Variants in GNG7 observed in about 807,000 individuals in gnomAD.
GNG7 encodes the protein guanine nucleotide-binding protein G(I)/G(S)/G(O) subunit gamma-7.
A neutral mutation model predicts 4.0 loss-of-function variants in GNG7; 1 was observed. That is an observed-to-expected ratio of 0.25 (90% CI 0.09 to 1.18). The LOEUF (loss-of-function observed/expected upper bound fraction) is 1.18, where lower values mean the gene tolerates loss of function less well. GNG7 is among the 50% of genes most tolerant of loss of function. The probability of loss-of-function intolerance (pLI) is 0.50; values close to 1 mark genes in which losing one functional copy is unlikely to be tolerated. For missense variants in GNG7, 86 were observed against 91.9 expected (o/e 0.94, Z 0.26); for synonymous variants, 34 against 36.9 (o/e 0.92, Z 0.29).
At position 2,625,686 on chromosome 19, in the gene GNG7, AGAG is replaced by A. The variant is rs531094655; in HGVS notation, c.-78+20535_-78+20537del. Among the ~76,000 whole-genome samples the A allele has an allele frequency of 2.6e-5, 4 of 152,334 alleles. No individual in the cohort carries two copies. In the South Asian group the frequency reaches 6.2e-4, roughly 24 times the overall value. ...TTTGGGGAGGAGGAAGCTGGGTCAG[AGAG>A]GAGATGAGGGTGTGAGAGGGTGAGC... On this transcript the variant is annotated intron_variant, in intron 2 of 4. Transcript: ENST00000382159.
chr19:2,652,348 G>A (rs981105726), intron 1 of GNG7, among the ~76,000 whole-genome samples: 2 of 150,234 alleles, frequency 1.3e-5, no homozygotes, highest in African/African-American at 2.5e-5. Context: ...AGCCAGGCAC[G>A]GTGGCTCATG....
intron 3 of GNG7, among the ~76,000 whole-genome samples, chr19:2,548,895 G>A (rs1198338640): frequency 2.0e-5 from 3 of 152,176 alleles, no homozygotes; most frequent in African/African-American, 7.2e-5. Context: ...CTGGTCGAAG[G>A]GATGTTCCAG....
intron 3 of GNG7, chr19:2,538,080 C>CAA (rs1213798575): frequency 1.1e-5 from 5 of 439,904 alleles, no homozygotes; most frequent in Admixed American, 4.8e-5. Context: ...CTCTCTCAAA[C>CAA]AAAACAAAAC....
At chr19:2,657,688 A>T (rs1208380548) in intron 1 of GNG7, among the ~76,000 whole-genome samples, 1 of 152,030 alleles carries the variant, frequency 6.6e-6, no homozygotes, top group South Asian at 2.1e-4. Flanking sequence ...ACCATCTTTT[A>T]AAAAAATTTT....
rs1981556546 is a variant in GNG7 at position 2,611,297 on chromosome 19, G to GAC, written c.-78+34925_-78+34926dup. 1 of 152,310 alleles carries GAC rather than the reference G, an allele frequency of 6.6e-6. No individual in the cohort carries two copies. Among genetic ancestry groups the GAC allele is most frequent in the South Asian group, 2.1e-4 (1 of 4,828 alleles). The allele number at this position is 152,310 out of a possible 1,614,324, so 9.4% of individuals were successfully genotyped here. ...AGGAATTCCGCCTGGCGAGCGTCTA[G>GAC]ACTGCGGTGTTTCTGGGACGCTGGG... On this transcript the variant is annotated intron_variant, in intron 2 of 4. Transcript: ENST00000382159. The surrounding 1 kb of genome is among the most constrained non-coding windows in gnomAD (Gnocchi z 6.0).
intron 2 of GNG7, among the ~76,000 whole-genome samples, chr19:2,589,410 GT>G (rs1980774373): frequency 7.5e-6 from 1 of 134,114 alleles, no homozygotes; most frequent in Non-Finnish European, 1.6e-5. Flanking sequence ...AGCAGAGATG[GT>G]GTTTTGCCAT....
chr19:2,671,710 C>T (rs11881575), intron 1 of GNG7, among the ~76,000 whole-genome samples: 4,583 of 152,214 alleles, frequency 0.03, 121 homozygotes, highest in Middle Eastern at 0.092. Context: ...TCATCAGCTC[C>T]TCCAACTACT....
chr19:2,559,151 C>CAT (rs1268143710), intron 2 of GNG7, among the ~76,000 whole-genome samples: 1 of 151,854 alleles, frequency 6.6e-6, no homozygotes, highest in South Asian at 2.1e-4. Flanking sequence ...CACACACACA[C>CAT]ATATATATAC....
intron 1 of GNG7, among the ~76,000 whole-genome samples, chr19:2,702,444 A>C (rs528714386): frequency 7.2e-6 from 1 of 138,010 alleles, no homozygotes; most frequent in African/African-American, 2.8e-5. Context: ...TCCCCAGCTA[A>C]CTTCGACCCC....
chr19:2,580,421 G>T (rs1162676415), intron 2 of GNG7, among the ~76,000 whole-genome samples: 1 of 151,494 alleles, frequency 6.6e-6, no homozygotes, highest in Non-Finnish European at 1.5e-5. Context: ...CTCCCAAGTA[G>T]CTGGGACTAC....
In GNG7 at chr19:2,614,313, G is replaced by A. The variant is rs758310152; in HGVS notation, c.-78+31911C>T. 1.3e-5 allele frequency among the ~76,000 whole-genome samples: 2 copies of A among 152,212 alleles called. No homozygotes were observed. The highest frequency in any genetic ancestry group is 2.9e-5 in the Non-Finnish European group (2 of 68,036). ...TGCACGTCGGGTCTCAGGCACATGT[G>A]TGGTGAAATGCACACAACAAAAAAG... On this transcript the variant is annotated intron_variant, in intron 2 of 4. Transcript: ENST00000382159. The surrounding 1 kb of genome is among the most constrained non-coding windows in gnomAD (Gnocchi z 6.0).
intron 3 of GNG7, among the ~76,000 whole-genome samples, chr19:2,554,375 ACT>A (rs928039170): frequency 6.8e-6 from 1 of 147,628 alleles, no homozygotes; most frequent in African/African-American, 2.5e-5. Flanking sequence ...ACCGGGTCTC[ACT>A]CTGTCACCTA....
chr19:2,659,215 C>T (rs983054995), intron 1 of GNG7, among the ~76,000 whole-genome samples: 4 of 151,848 alleles, frequency 2.6e-5, no homozygotes, highest in Non-Finnish European at 4.4e-5. Context: ...GTGATCCGCC[C>T]ACCTTGGCCT....
chr19:2,563,682 A>G (rs1312283065), intron 2 of GNG7, among the ~76,000 whole-genome samples: 2 of 152,076 alleles, frequency 1.3e-5, no homozygotes, highest in South Asian at 2.1e-4. Context: ...GGGTTTCGCC[A>G]TGTTGCCCAG....
intron 2 of GNG7, among the ~76,000 whole-genome samples, chr19:2,576,670 C>CCAAAG (rs1980351789): frequency 6.6e-6 from 1 of 152,104 alleles, no homozygotes; most frequent in African/African-American, 2.4e-5. Flanking sequence ...CCTCAGCCTC[C>CCAAAG]TGAGTAGCTG....
intron 3 of GNG7, among the ~76,000 whole-genome samples, chr19:2,536,267 C>T (rs1266295023): frequency 1.3e-5 from 2 of 151,630 alleles, no homozygotes; most frequent in African/African-American, 4.9e-5. Flanking sequence ...AATACAAAAA[C>T]AGTAGCTGGG....
At chr19:2,568,875 C>G (rs918821454) in intron 2 of GNG7, among the ~76,000 whole-genome samples, 14 of 152,032 alleles carry the variant, frequency 9.2e-5, no homozygotes, top group African/African-American at 3.4e-4. Flanking sequence ...CAAGTACACA[C>G]ACATACTCAT....
chr19:2,584,535 T>G (rs974612507), intron 2 of GNG7, among the ~76,000 whole-genome samples: 1 of 147,370 alleles, frequency 6.8e-6, no homozygotes, highest in African/African-American at 2.5e-5. Context: ...AGGTCAAGGC[T>G]GCAGTGAGGC....
At chr19:2,593,041 AGAAG>A (rs1270843844) in intron 2 of GNG7, among the ~76,000 whole-genome samples, 3 of 147,792 alleles carry the variant, frequency 2.0e-5, no homozygotes, top group East Asian at 2.0e-4. Flanking sequence ...AAGGAAGGAA[AGAAG>A]GAAGGAAGGA....
Sources: gnomAD v4.1 joint callset for allele counts (sites outside exome capture counted in the v4.1 genomes callset) on GRCh38, gnomAD v4.1.1 for gene constraint, Gnocchi (gnomAD v3.1) non-coding constraint, MANE v1.5 for transcripts, NCBI Gene and HGNC (gene_info 2026-07-23, HGNC 2026-07-21) for gene names.